Variants in PRR16 observed in about 807,000 individuals in gnomAD.
PRR16 encodes protein Largen.
A neutral mutation model predicts 18.2 loss-of-function variants in PRR16; 6 were observed. That is an observed-to-expected ratio of 0.33 (90% CI 0.18 to 0.65). The LOEUF (loss-of-function observed/expected upper bound fraction) is 0.65, where lower values mean the gene tolerates loss of function less well. Ranked by LOEUF, PRR16 falls within the 30% of genes least tolerant of loss-of-function variation. PRR16 has a pLI of 0.74. For synonymous variants in PRR16, 151 were observed against 147.8 expected, an observed-to-expected ratio of 1.02 and a Z score of -0.16; for missense variants, 412 against 376.6, an observed-to-expected ratio of 1.09 and a Z score of -0.78.
intron 1 of PRR16, among the ~76,000 whole-genome samples, chr5:120,549,769 A>G (rs1041441335): frequency 6.6e-6 from 1 of 152,036 alleles, no homozygotes; most frequent in African/African-American, 2.4e-5. Flanking sequence ...TAATTTGAAA[A>G]TTAATTAATT....
At chr5:120,649,928 T>C (rs1196690888) in intron 1 of PRR16, among the ~76,000 whole-genome samples, 4 of 152,010 alleles carry the variant, frequency 2.6e-5, no homozygotes, top group Non-Finnish European at 5.9e-5. Context: ...ACTCTGAATA[T>C]TATATAGTGT....
intron 1 of PRR16, among the ~76,000 whole-genome samples, chr5:120,673,957 G>A (rs79775683): frequency 3.2e-4 from 46 of 145,956 alleles, no homozygotes; most frequent in Non-Finnish European, 3.2e-4. Flanking sequence ...CTTTCTCAAA[G>A]AAAAAAAAAA....
the PRR16 span, among the ~76,000 whole-genome samples, chr5:120,753,692 A>T: frequency 6.6e-6 from 1 of 150,584 alleles, no homozygotes; most frequent in Non-Finnish European, 1.5e-5. Context: ...ATTCTTTCAC[A>T]TACATTGCCT....
intron 1 of PRR16, among the ~76,000 whole-genome samples, chr5:120,656,015 G>T (rs781131975): frequency 9.9e-5 from 15 of 151,802 alleles, no homozygotes; most frequent in Admixed American, 2.0e-4. Flanking sequence ...AGAGCATGCA[G>T]TTGCCACCAG....
At chr5:120,515,359 C>T (rs76928385) in intron 1 of PRR16, among the ~76,000 whole-genome samples, 5 of 152,134 alleles carry the variant, frequency 3.3e-5, no homozygotes, top group East Asian at 3.8e-4. Flanking sequence ...AACACTTAAG[C>T]TTTGGGAGAC....
intron 1 of PRR16, among the ~76,000 whole-genome samples, chr5:120,489,102 G>A (rs1476123760): frequency 6.6e-6 from 1 of 152,232 alleles, no homozygotes; most frequent in Admixed American, 6.5e-5. Context: ...TACGTGTGGT[G>A]TGGTGCTGAA....
intron 1 of PRR16, among the ~76,000 whole-genome samples, chr5:120,515,592 T>C (rs998960584): frequency 6.6e-6 from 1 of 152,172 alleles, no homozygotes; most frequent in Non-Finnish European, 1.5e-5. Flanking sequence ...TACCCTACAT[T>C]CTGATCACTT....
At chr5:120,714,752 A>G in the PRR16 span, among the ~76,000 whole-genome samples, 2 of 152,196 alleles carry the variant, frequency 1.3e-5, no homozygotes, top group Admixed American at 1.3e-4. Context: ...AGGCCCATCA[A>G]TGATAGACTG....
At chr5:120,760,276 TTTAAA>T in the PRR16 span, among the ~76,000 whole-genome samples, 5 of 152,246 alleles carry the variant, frequency 3.3e-5, no homozygotes, top group South Asian at 8.3e-4. Flanking sequence ...AGAATTCATG[TTTAAA>T]TTAATTTATA....
intron 1 of PRR16, among the ~76,000 whole-genome samples, chr5:120,474,173 GGACTTCT>G (rs1407370387): frequency 2.6e-5 from 4 of 152,132 alleles, no homozygotes; most frequent in African/African-American, 9.7e-5. Context: ...GAGTAAAATG[GGACTTCT>G]GAGCAGGGAG....
intron 1 of PRR16, among the ~76,000 whole-genome samples, chr5:120,515,721 T>C (rs1351065164): frequency 6.6e-6 from 1 of 152,234 alleles, no homozygotes; most frequent in Non-Finnish European, 1.5e-5. Flanking sequence ...AAATGATAAA[T>C]ACAGCATGTT....
At chr5:120,721,811 C>T in the PRR16 span, among the ~76,000 whole-genome samples, 9 of 151,818 alleles carry the variant, frequency 5.9e-5, no homozygotes, top group African/African-American at 4.8e-5. Flanking sequence ...GTAATTCAGA[C>T]AAAAAAACTG....
intron 1 of PRR16, among the ~76,000 whole-genome samples, chr5:120,637,317 GAA>G (rs372136712): frequency 0.036 from 2,278 of 62,478 alleles, 24 homozygotes; most frequent in African/African-American, 0.062. Context: ...CCATTATACG[GAA>G]AAAAAAAAAA....
At chr5:120,573,256 G>A (rs1477467768) in intron 1 of PRR16, among the ~76,000 whole-genome samples, 1 of 152,110 alleles carries the variant, frequency 6.6e-6, no homozygotes, top group Non-Finnish European at 1.5e-5. Context: ...CTCTCACACT[G>A]TTAAATATCC....
At chr5:120,621,706 A>C (rs1754694841) in intron 1 of PRR16, among the ~76,000 whole-genome samples, 1 of 151,910 alleles carries the variant, frequency 6.6e-6, no homozygotes, top group Non-Finnish European at 1.5e-5. Context: ...GGCTCTTCCT[A>C]CTTTGTACTT....
chr5:120,586,974 A>G (rs547058112), intron 1 of PRR16, among the ~76,000 whole-genome samples: 2 of 152,326 alleles, frequency 1.3e-5, no homozygotes, highest in African/African-American at 4.8e-5. Context: ...AAGAAAATTA[A>G]AAGTACTTCT....
intron 1 of PRR16, among the ~76,000 whole-genome samples, chr5:120,608,536 C>T (rs1754230017): frequency 6.6e-6 from 1 of 152,162 alleles, no homozygotes; most frequent in Non-Finnish European, 1.5e-5. Flanking sequence ...TACTGCTTAA[C>T]AGTCCAAATG....
At chr5:120,793,603 C>T in the PRR16 span, among the ~76,000 whole-genome samples, 1 of 152,066 alleles carries the variant, frequency 6.6e-6, no homozygotes, top group Non-Finnish European at 1.5e-5. Flanking sequence ...CACCTATCTA[C>T]ATCCTAGGTA....
Position 120,464,556 on chromosome 5 carries a change from AC to A in PRR16, c.72del (p.Lys25ArgfsTer2). ...CGAGGGACCGCCGGCAGCCTCCAAA[AC>A]CAAGGTGAAGGAACAGATCAAGATC... ...PAEGPPAASK[T>X]KVKEQIKIIV... is the part of the protein sequence containing the mutation. On this transcript the variant is annotated frameshift_variant, in exon 1 of 2. Coordinates refer to ENST00000407149, the MANE Select transcript of PRR16 (RefSeq NM_001300783.2). LOFTEE classifies it high-confidence loss of function. 6.3e-7 allele frequency: 1 copy of A among 1,590,898 alleles called. No individual in the cohort carries two copies. Among genetic ancestry groups the A allele is most frequent in the Non-Finnish European group, 8.5e-7 (1 of 1,176,694 alleles).
Sources: allele counts gnomAD v4.1 joint callset (sites outside exome capture counted in the v4.1 genomes callset), GRCh38; gene constraint gnomAD v4.1.1; transcripts MANE v1.5; gene names NCBI Gene and HGNC (gene_info 2026-07-23, HGNC 2026-07-21).